The following FRYL variants were observed in gnomAD, a reference collection of about 807,000 sequenced individuals.
FRYL encodes FRY like transcription coactivator.
In FRYL, 150 loss-of-function variants were observed where a neutral mutation model predicts 351.2. The observed-to-expected ratio is 0.43, with a 90% CI of 0.37 to 0.49. The LOEUF (loss-of-function observed/expected upper bound fraction) is 0.49. FRYL is among the 20% of genes least tolerant of loss of function. The probability of loss-of-function intolerance (pLI) is 0.00; values close to 1 mark genes in which losing one functional copy is unlikely to be tolerated. For missense variants in FRYL, 3,036 were observed against 3,619.3 expected (o/e 0.84, Z 4.13); for synonymous variants, 1,153 against 1,257.1 (o/e 0.92, Z 1.75).
chr4:48,586,543 A>G, intron 19 of FRYL, 78 bp downstream of exon 19: 1 of 907,140 alleles, frequency 1.1e-6, no homozygotes, highest in Non-Finnish European at 1.8e-6. Context: ...TTTTAGTGAT[A>G]ACAGTAACAA....
chr4:48,609,650 C>A, intron 8 of FRYL, 94 bp downstream of exon 8: 1 of 567,300 alleles, frequency 1.8e-6, no homozygotes, highest in Non-Finnish European at 3.1e-6. Flanking sequence ...TAAGAATTGC[C>A]TTGAACTCTC....
intron 52 of FRYL, 55 bp from the exon 53 acceptor site, chr4:48,527,708 C>A (rs1369837431): frequency 8.5e-6 from 13 of 1,527,726 alleles, no homozygotes; most frequent in Non-Finnish European, 1.2e-5. Flanking sequence ...TGTCACTCTG[C>A]GTATGAGGTA....
At chr4:48,538,895 G>A (rs1729491294) in intron 47 of FRYL, among the ~76,000 whole-genome samples, 1 of 151,926 alleles carries the variant, frequency 6.6e-6, no homozygotes, top group African/African-American at 2.4e-5. Flanking sequence ...CAGACTCAAT[G>A]ACTGACTGAA....
rs1718736232 is a variant in FRYL at position 48,497,745 on chromosome 4, T to C, written c.*1677A>G. 6.6e-6 allele frequency: 1 copy of C among 152,576 alleles called. No individual in the cohort carries two copies. The highest frequency in any genetic ancestry group is 2.4e-5 in the African/African-American group (1 of 41,430). 9.5% of individuals were successfully genotyped at this position (152,576 alleles called of 1,614,324 possible). The stretch of plus-strand genomic sequence containing the variant: ...TACCAATTACAGTACCAGAACACCA[T>C]CAAAATAATTGTCTTTATCAGGGTC... On this transcript the variant is annotated 3_prime_UTR_variant, in exon 64 of 64. Transcript: ENST00000358350.
chr4:48,539,499 T>C (rs1253099946), intron 47 of FRYL, among the ~76,000 whole-genome samples: 12 of 152,158 alleles, frequency 7.9e-5, no homozygotes, highest in Non-Finnish European at 1.6e-4. Flanking sequence ...CTGTTTTGTG[T>C]GCTCCTTGAG....
chr4:48,687,008 T>G (rs1319989291), intron 2 of FRYL, among the ~76,000 whole-genome samples: 1 of 152,224 alleles, frequency 6.6e-6, no homozygotes, highest in African/African-American at 2.4e-5. Flanking sequence ...ATAATCACTT[T>G]TAGCAGGGCT....
chr4:48,581,806 T>G (rs1156368201), intron 20 of FRYL, among the ~76,000 whole-genome samples: 1 of 152,194 alleles, frequency 6.6e-6, no homozygotes, highest in Admixed American at 6.5e-5. Flanking sequence ...AAATATGAAT[T>G]CTGTACCTAA....
chr4:48,610,732 A>G (rs1206418696), intron 7 of FRYL, among the ~76,000 whole-genome samples: 1 of 146,048 alleles, frequency 6.8e-6, no homozygotes, highest in Non-Finnish European at 1.5e-5. Flanking sequence ...TATATTATAT[A>G]CATGTATTAT....
chr4:48,669,144 A>G (rs1382751162), intron 3 of FRYL, among the ~76,000 whole-genome samples: 12 of 152,164 alleles, frequency 7.9e-5, no homozygotes, highest in Non-Finnish European at 1.3e-4. Flanking sequence ...TTACTTATCA[A>G]TACATTTTTC....
At chr4:48,660,566 A>C (rs1760489641) in intron 3 of FRYL, among the ~76,000 whole-genome samples, 1 of 152,228 alleles carries the variant, frequency 6.6e-6, no homozygotes, top group African/African-American at 2.4e-5. Flanking sequence ...CACTGTCTCT[A>C]ATGAGCTTCC....
intron 3 of FRYL, among the ~76,000 whole-genome samples, chr4:48,676,051 T>C (rs1763615932): frequency 2.0e-5 from 3 of 152,108 alleles, no homozygotes; most frequent in Admixed American, 1.3e-4. Flanking sequence ...CCTTTGTATC[T>C]AGCTCAGGGA....
At chr4:48,558,338 A>T (rs1008883783) in intron 33 of FRYL, among the ~76,000 whole-genome samples, 2 of 152,244 alleles carry the variant, frequency 1.3e-5, no homozygotes, top group Non-Finnish European at 2.9e-5. Flanking sequence ...CAAAAATACA[A>T]ATCAACATAT....
chr4:48,558,412 T>C (rs1734617980), intron 33 of FRYL, among the ~76,000 whole-genome samples: 1 of 152,190 alleles, frequency 6.6e-6, no homozygotes, highest in Admixed American at 6.5e-5. Context: ...CAAAGTAGAA[T>C]TCTGATTACC....
At chr4:48,710,245 A>G (rs1767856459) in intron 2 of FRYL, among the ~76,000 whole-genome samples, 1 of 152,256 alleles carries the variant, frequency 6.6e-6, no homozygotes, top group East Asian at 1.9e-4. Context: ...GTAACAAGAT[A>G]AACTATCTCA....
chr4:48,502,183 T>C (rs1397378020), intron 61 of FRYL, among the ~76,000 whole-genome samples: 3 of 152,192 alleles, frequency 2.0e-5, no homozygotes, highest in African/African-American at 7.2e-5. Flanking sequence ...AAAGCTGTCT[T>C]TTAAAGTGAG....
At chr4:48,770,649 C>T (rs1287758571) in intron 1 of FRYL, among the ~76,000 whole-genome samples, 1 of 152,042 alleles carries the variant, frequency 6.6e-6, no homozygotes, top group Non-Finnish European at 1.5e-5. Context: ...GTTGGTTGAG[C>T]TGGTCTCGAA....
At chr4:48,582,465 A>G in intron 20 of FRYL, 32 bp downstream of exon 20, 1 of 1,390,370 alleles carries the variant, frequency 7.2e-7, no homozygotes, top group Non-Finnish European at 1.0e-6. Context: ...CACTGACCAC[A>G]TACAAAAGGA....
chr4:48,772,363 G>A (rs1775601530), intron 1 of FRYL, among the ~76,000 whole-genome samples: 1 of 152,054 alleles, frequency 6.6e-6, no homozygotes, highest in Non-Finnish European at 1.5e-5. Context: ...TCCAGCCTGG[G>A]CAACAGAGCA....
intron 1 of FRYL, among the ~76,000 whole-genome samples, chr4:48,715,016 A>C (rs1255648926): frequency 6.6e-6 from 1 of 152,224 alleles, no homozygotes; most frequent in East Asian, 1.9e-4. Context: ...AACCAAAGAC[A>C]AAAACCACAT....
Sources: allele counts gnomAD v4.1 joint callset (sites outside exome capture counted in the v4.1 genomes callset), GRCh38; gene constraint gnomAD v4.1.1; transcripts MANE v1.5; gene names NCBI Gene and HGNC (gene_info 2026-07-23, HGNC 2026-07-21).